JMJD1C: variants seen among roughly 807,000 people sequenced by gnomAD.
JMJD1C encodes the protein jumonji domain containing 1C.
In JMJD1C, 31 loss-of-function variants were observed where a neutral mutation model predicts 245.3. The observed-to-expected ratio is 0.13, with a 90% CI of 0.09 to 0.17. The LOEUF is 0.17. Among genes scored for constraint, JMJD1C ranks in the 10% least tolerant of loss-of-function variants. The probability of loss-of-function intolerance (pLI) is 1.00; values close to 1 mark genes in which losing one functional copy is unlikely to be tolerated. For missense variants in JMJD1C, 2,691 were observed against 3,000.2 expected, an observed-to-expected ratio of 0.90 and a Z score of 2.41; for synonymous variants, 1,057 against 1,017.4, an observed-to-expected ratio of 1.04 and a Z score of -0.74.
chr10:63,314,949 C>CT (rs201119978), intron 2 of JMJD1C, among the ~76,000 whole-genome samples: 19,490 of 115,076 alleles, frequency 0.17, 1,789 homozygotes, highest in Non-Finnish European at 0.25. Context: ...TGTGCCCAGC[C>CT]TTTTTTGTTT....
chr10:63,214,228 G>T lies in JMJD1C; in HGVS notation c.1939C>A (p.Pro647Thr). 1 of 1,613,990 alleles carries T rather than the reference G, an allele frequency of 6.2e-7. No homozygotes were observed. Among genetic ancestry groups the T allele is most frequent in the Non-Finnish European group, 8.5e-7 (1 of 1,179,998 alleles). The part of the protein sequence containing the change: ...KSSPSPEVVK[P>T]KITHSPDSVK... ...GAATCAGGAGAATGAGTTATTTTGG[G>T]TTTAACAACTTCAGGTGATGGGCTG... The change falls in exon 8 of 26, where the codon CCC becomes ACC. Residue 647 changes from proline to threonine, a missense_variant. Physicochemically the swap from Pro to Thr is conservative, Grantham distance 38. This residue lies in a region of JMJD1C where 1,562 missense variants were observed against 1,490.7 expected (regional missense o/e 1.05). Transcript: ENST00000399262.
intron 2 of JMJD1C, among the ~76,000 whole-genome samples, chr10:63,376,792 A>C (rs1235084556): frequency 2.0e-5 from 3 of 152,212 alleles, no homozygotes; most frequent in Non-Finnish European, 4.4e-5. Flanking sequence ...GTGAGGATGT[A>C]AAGAAACTGG....
intron 11 of JMJD1C, among the ~76,000 whole-genome samples, chr10:63,200,202 T>C (rs998634334): frequency 6.6e-6 from 1 of 152,204 alleles, no homozygotes; most frequent in Non-Finnish European, 1.5e-5. Context: ...GGTTAACAAC[T>C]GTTAAGAAAA....
At chr10:63,415,270 T>TC (rs1235221735) in intron 1 of JMJD1C, among the ~76,000 whole-genome samples, 420 of 5,472 alleles carry the variant, frequency 0.077, 3 homozygotes, top group Non-Finnish European at 0.36. Context: ...TTAGTGTCAT[T>TC]ATTCATTTAA....
chr10:63,351,570 T>C (rs1944364482), intron 2 of JMJD1C, among the ~76,000 whole-genome samples: 1 of 152,230 alleles, frequency 6.6e-6, no homozygotes, highest in East Asian at 1.9e-4. Context: ...TCTTTTACCC[T>C]GAGAGCATTT....
At chr10:63,439,607 C>T (rs1357998406) in intron 1 of JMJD1C, among the ~76,000 whole-genome samples, 2 of 152,102 alleles carry the variant, frequency 1.3e-5, no homozygotes, top group African/African-American at 4.8e-5. Flanking sequence ...TCAGTTTACA[C>T]GGATGGTTTT....
In JMJD1C at chr10:63,168,528, A is replaced by G. The variant is rs1332989506; in HGVS notation, c.7440T>C (p.Asp2480=). 3 of 1,608,476 alleles carry G rather than the reference A, an allele frequency of 1.9e-6. No individual in the cohort carries two copies. The highest frequency in any genetic ancestry group is 2.5e-6 in the Non-Finnish European group (3 of 1,177,692). The change falls in exon 25 of 26, where the codon GAT becomes GAC. Residue 2480 remains aspartate, a synonymous_variant. Transcript: ENST00000399262. Reference sequence around the variant, plus strand: ...CTACAAGATGTTCTGGAGACACAAAATCTTCAGTTACCTGAATACAGCTGT... The same window carrying G: ...CTACAAGATGTTCTGGAGACACAAAGTCTTCAGTTACCTGAATACAGCTGT... ...NFHSCIQVTE[D]FVSPEHLVES... is the part of the protein sequence containing the mutation.
chr10:63,283,691 T>C (rs1857658550), intron 2 of JMJD1C, among the ~76,000 whole-genome samples: 1 of 152,168 alleles, frequency 6.6e-6, no homozygotes, highest in Admixed American at 6.5e-5. Flanking sequence ...AATAGAACCA[T>C]TCTTCTTCAT....
intron 3 of JMJD1C, among the ~76,000 whole-genome samples, chr10:63,264,273 AC>A (rs1366365179): frequency 6.6e-6 from 1 of 152,160 alleles, no homozygotes; most frequent in Non-Finnish European, 1.5e-5. Flanking sequence ...TGATAGGTAT[AC>A]ATAAACACTA....
At chr10:63,361,171 C>A (rs1945292187) in intron 2 of JMJD1C, among the ~76,000 whole-genome samples, 1 of 151,878 alleles carries the variant, frequency 6.6e-6, no homozygotes, top group Non-Finnish European at 1.5e-5. Flanking sequence ...ATCTGTAATC[C>A]CGGCACTTTG....
At chr10:63,358,307 C>A (rs767539619) in intron 2 of JMJD1C, among the ~76,000 whole-genome samples, 68 of 151,820 alleles carry the variant, frequency 4.5e-4, no homozygotes, top group Non-Finnish European at 8.1e-4. Context: ...CCTGAGAAAT[C>A]TAAACATTCT....
At chr10:63,440,830 T>A (rs12261605) in intron 1 of JMJD1C, among the ~76,000 whole-genome samples, 1 of 152,096 alleles carries the variant, frequency 6.6e-6, no homozygotes, top group African/African-American at 2.4e-5. Flanking sequence ...CTGTGGTAAC[T>A]GCTTCATACA....
intron 3 of JMJD1C, among the ~76,000 whole-genome samples, chr10:63,256,574 T>C (rs1195119421): frequency 1.3e-5 from 2 of 152,224 alleles, no homozygotes; most frequent in Admixed American, 6.5e-5. Context: ...TTAGCTCTAC[T>C]ATTGCAAGCT....
chr10:63,202,303 T>C (rs1028419521), intron 10 of JMJD1C: 53 of 984,728 alleles, frequency 5.4e-5, no homozygotes, highest in Non-Finnish European at 6.1e-5. Flanking sequence ...CAATTAGTTG[T>C]TGGCTCTAAC....
intron 2 of JMJD1C, among the ~76,000 whole-genome samples, chr10:63,337,578 GAAAA>G (rs1942907209): frequency 2.5e-5 from 2 of 79,658 alleles, no homozygotes; most frequent in African/African-American, 1.7e-4. Context: ...GAAAAGAAAA[GAAAA>G]GAAAAGAAAA....
chr10:63,370,977 A>AAT (rs1318813472), intron 2 of JMJD1C, among the ~76,000 whole-genome samples: 1 of 152,044 alleles, frequency 6.6e-6, no homozygotes, highest in Non-Finnish European at 1.5e-5. Flanking sequence ...ATTACTTTAT[A>AAT]ATATATATAT....
intron 2 of JMJD1C, among the ~76,000 whole-genome samples, chr10:63,345,958 G>A (rs545383186): frequency 3.3e-5 from 5 of 152,190 alleles, no homozygotes; most frequent in South Asian, 4.1e-4. Flanking sequence ...ACTCTTAACC[G>A]TGGTTAACTT....
chr10:63,183,551 T>A lies in JMJD1C; in HGVS notation c.6980A>T (p.Asp2327Val). Residue 2327 changes from aspartate (D) to valine (V), a missense_variant, in exon 22 of 26, where the codon GAT becomes GTT. By Grantham distance (152) the Asp-to-Val change is radical (BLOSUM62 -3). Around this residue, in one of 9 missense-constraint regions of JMJD1C, gnomAD observed 232 missense variants for 416.1 expected, o/e 0.56. Coordinates refer to ENST00000399262, the MANE Select transcript of JMJD1C (RefSeq NM_032776.3). ...GAGATTTGTTGTTCCTATATCATGA[T>A]CTTTAGCAGCAACTACACCTGTATA... ...CSAYGVVAAKDHDIGTTNLHI... is the reference protein window; with the variant it reads ...CSAYGVVAAKVHDIGTTNLHI... 6.3e-7 allele frequency: 1 copy of A among 1,593,984 alleles called. No homozygotes were observed.
In JMJD1C at chr10:63,216,579, G is replaced by C. The variant is rs561806391; in HGVS notation, c.678+628C>G. On this transcript the variant is annotated intron_variant, in intron 5 of 25. Coordinates refer to ENST00000399262, the MANE Select transcript of JMJD1C (RefSeq NM_032776.3). ...CAAAAAAATAGCCGGGCGTGGTGGC[G>C]GGCGCCTGTAGTCACAGCTACTCGG... Among the ~76,000 whole-genome samples, 5 of 152,048 alleles carry C rather than the reference G, an allele frequency of 3.3e-5. No homozygotes were observed. In the East Asian group the frequency reaches 9.7e-4, roughly 29 times the overall value.
Sources: allele counts gnomAD v4.1 joint callset (sites outside exome capture counted in the v4.1 genomes callset), GRCh38; gene constraint gnomAD v4.1.1; regional missense constraint gnomAD v4.1.1; transcripts MANE v1.5; gene names NCBI Gene and HGNC (gene_info 2026-07-23, HGNC 2026-07-21).